The following NCALD variants were observed in gnomAD, a reference collection of about 807,000 sequenced individuals.
NCALD encodes neurocalcin delta.
Under a neutral mutation model 18.6 loss-of-function variants are expected in NCALD, and 10 were observed. The observed-to-expected ratio is 0.54, with a 90% CI of 0.33 to 0.91. The LOEUF is 0.91. Ranked by LOEUF, NCALD falls within the 40% of genes least tolerant of loss-of-function variation. The pLI, the probability that NCALD is intolerant of heterozygous loss-of-function variation, is 0.03. For synonymous variants in NCALD, 88 were observed against 87.4 expected (o/e 1.01, Z -0.04); for missense variants, 184 against 247.6 (o/e 0.74, Z 1.72).
chr8:102,119,343 A>G (rs997575866), intron 1 of NCALD, among the ~76,000 whole-genome samples: 10 of 152,206 alleles, frequency 6.6e-5, no homozygotes, highest in African/African-American at 1.9e-4. Context: ...TACCTTTTAT[A>G]TGAGGTACCT....
chr8:102,036,993 G>A (rs893094866), intron 1 of NCALD, among the ~76,000 whole-genome samples: 19 of 151,930 alleles, frequency 1.3e-4, no homozygotes, highest in African/African-American at 3.4e-4. Context: ...ATTTTTAGTC[G>A]GCACACAAAA....
chr8:102,047,121 T>G (rs530040000), intron 1 of NCALD, among the ~76,000 whole-genome samples: 1 of 151,706 alleles, frequency 6.6e-6, no homozygotes, highest in Admixed American at 6.6e-5. Context: ...ATAGCAGCAT[T>G]GGTGTTCCTG....
At chr8:102,120,192 T>G (rs1825904846) in intron 1 of NCALD, among the ~76,000 whole-genome samples, 1 of 152,210 alleles carries the variant, frequency 6.6e-6, no homozygotes. Flanking sequence ...AACAGTCCTA[T>G]AGTGAACATC....
At chr8:101,921,911 T>A (rs1275313664) in intron 2 of NCALD, among the ~76,000 whole-genome samples, 1 of 152,066 alleles carries the variant, frequency 6.6e-6, no homozygotes. Flanking sequence ...CTCAAAGTTA[T>A]ATTTTTGACA....
intron 4 of NCALD, among the ~76,000 whole-genome samples, chr8:101,825,920 C>G (rs981654803): frequency 6.6e-6 from 1 of 152,158 alleles, no homozygotes; most frequent in Non-Finnish European, 1.5e-5. Context: ...GGCTGGATTT[C>G]GCCCACAGGC....
chr8:102,111,251 A>C (rs896059133), intron 1 of NCALD, among the ~76,000 whole-genome samples: 3 of 152,180 alleles, frequency 2.0e-5, no homozygotes, highest in Non-Finnish European at 2.9e-5. Context: ...CAGAGGCTAG[A>C]ATGGACTTCT....
At chr8:101,907,050 T>A (rs1252594366) in intron 3 of NCALD, among the ~76,000 whole-genome samples, 1 of 152,242 alleles carries the variant, frequency 6.6e-6, no homozygotes, top group Non-Finnish European at 1.5e-5. Context: ...ATGTTATTGA[T>A]CCTATTTTTA....
At chr8:101,923,029 A>C (rs1438742700) in intron 2 of NCALD, among the ~76,000 whole-genome samples, 1 of 152,146 alleles carries the variant, frequency 6.6e-6, no homozygotes, top group Non-Finnish European at 1.5e-5. Flanking sequence ...TAAGGGGTTG[A>C]TTACATCATG....
At chr8:102,067,752 AGCAGGAAGCAG>A (rs2132281907) in intron 1 of NCALD, among the ~76,000 whole-genome samples, 1 of 152,328 alleles carries the variant, frequency 6.6e-6, no homozygotes, top group Admixed American at 6.5e-5. Context: ...ACTATCCTGC[AGCAGGAAGCAG>A]GCACCCCACA....
At chr8:102,027,101 A>G (rs1347592071) in intron 1 of NCALD, among the ~76,000 whole-genome samples, 1 of 152,212 alleles carries the variant, frequency 6.6e-6, no homozygotes, top group Admixed American at 6.5e-5. Flanking sequence ...CTAGGCATCC[A>G]GGCCTTTGAT....
intron 1 of NCALD, among the ~76,000 whole-genome samples, chr8:102,039,889 A>G (rs1822989848): frequency 1.3e-5 from 2 of 152,118 alleles, no homozygotes; most frequent in African/African-American, 2.4e-5. Flanking sequence ...CCAACATGTG[A>G]TATCTGTACA....
chr8:101,953,271 T>C (rs1819501606), intron 2 of NCALD, among the ~76,000 whole-genome samples: 1 of 152,164 alleles, frequency 6.6e-6, no homozygotes. Context: ...AGTCTCTCAT[T>C]GCTGGTGCTT....
intron 2 of NCALD, among the ~76,000 whole-genome samples, chr8:102,007,899 C>G (rs1821767441): frequency 6.6e-6 from 1 of 152,160 alleles, no homozygotes; most frequent in African/African-American, 2.4e-5. Flanking sequence ...ACTTTGAGCT[C>G]CCTGAAGGCA....
At chr8:101,691,873 T>C in intron 3 of NCALD, 1 of 985,400 alleles carries the variant, frequency 1.0e-6, no homozygotes, top group Non-Finnish European at 1.2e-6. Context: ...TTGACAAGAA[T>C]TGCCGAGGCC....
intron 1 of NCALD, among the ~76,000 whole-genome samples, chr8:101,725,700 TC>T (rs990322622): frequency 2.0e-5 from 3 of 152,108 alleles, no homozygotes; most frequent in Admixed American, 6.5e-5. Flanking sequence ...GCCTGCATGC[TC>T]CCCATCTCAC....
intron 2 of NCALD, among the ~76,000 whole-genome samples, chr8:101,931,614 C>CTT (rs58954851): frequency 4.0e-5 from 6 of 149,414 alleles, no homozygotes; most frequent in Admixed American, 6.7e-5. Flanking sequence ...AATCACCTTC[C>CTT]TTTTTTTTTT....
intron 4 of NCALD, among the ~76,000 whole-genome samples, chr8:101,801,183 A>C (rs1350242260): frequency 2.0e-5 from 3 of 152,212 alleles, no homozygotes; most frequent in African/African-American, 7.2e-5. Context: ...CTAAAGATAT[A>C]AATACTTCAT....
intron 4 of NCALD, among the ~76,000 whole-genome samples, chr8:101,825,787 T>C (rs1267888842): frequency 6.6e-6 from 1 of 152,190 alleles, no homozygotes; most frequent in Non-Finnish European, 1.5e-5. Flanking sequence ...GGTCATACCA[T>C]CTCCGTCTCA....
At chr8:101,818,768 G>A (rs1813601376) in intron 4 of NCALD, among the ~76,000 whole-genome samples, 1 of 152,148 alleles carries the variant, frequency 6.6e-6, no homozygotes, top group Admixed American at 6.5e-5. Flanking sequence ...CACTTTGGGA[G>A]GCCAAGACAG....
Sources: allele counts gnomAD v4.1 joint callset (sites outside exome capture counted in the v4.1 genomes callset), GRCh38; gene constraint gnomAD v4.1.1; transcripts MANE v1.5; gene names NCBI Gene and HGNC (gene_info 2026-07-23, HGNC 2026-07-21).